ADAMTS19: variants seen among roughly 807,000 people sequenced by gnomAD.
The protein encoded by ADAMTS19 is ADAM metallopeptidase with thrombospondin type 1 motif 19.
In ADAMTS19, 93 loss-of-function variants were observed where a neutral mutation model predicts 153.3. The observed-to-expected ratio is 0.61, with a 90% CI of 0.51 to 0.72. The LOEUF is 0.72. ADAMTS19 is among the 30% of genes least tolerant of loss of function. ADAMTS19 has a pLI of 0.00. For missense variants in ADAMTS19, 1,482 were observed against 1,552.1 expected, an observed-to-expected ratio of 0.95 and a Z score of 0.76; for synonymous variants, 600 against 556.6, an observed-to-expected ratio of 1.08 and a Z score of -1.10.
chr5:129,514,076 A>G (rs1484266516), intron 3 of ADAMTS19, among the ~76,000 whole-genome samples: 1 of 151,592 alleles, frequency 6.6e-6, no homozygotes, highest in African/African-American at 2.4e-5. Flanking sequence ...TTCACTTAAC[A>G]TAATGATCTC....
intron 13 of ADAMTS19, among the ~76,000 whole-genome samples, chr5:129,650,258 A>G (rs1295061978): frequency 6.6e-6 from 1 of 152,176 alleles, no homozygotes; most frequent in Non-Finnish European, 1.5e-5. Context: ...GTGACAGATC[A>G]TCTGATTTCA....
At chr5:129,504,080 TG>T (rs1206817509) in intron 2 of ADAMTS19, among the ~76,000 whole-genome samples, 1 of 152,062 alleles carries the variant, frequency 6.6e-6, no homozygotes, top group Non-Finnish European at 1.5e-5. Context: ...TCAAGAACAT[TG>T]TCATATTTTT....
rs560819751 is a variant in ADAMTS19 at position 129,674,162 on chromosome 5, C to T, written c.2507-5602C>T. On this transcript the variant is annotated intron_variant, in intron 16 of 22. Coordinates refer to ENST00000274487, the MANE Select transcript of ADAMTS19 (RefSeq NM_133638.6). ...AGGAGAATCACTTGAACCCGGGAGG[C>T]GGAGGTTGCAATGAACTGAGATCAC... 2.7e-4 allele frequency among the ~76,000 whole-genome samples: 41 copies of T among 151,646 alleles called. No individual in the cohort carries two copies. In the South Asian group the frequency reaches 4.0e-3, roughly 15 times the overall value.
chr5:129,651,034 G>A (rs988939165), intron 13 of ADAMTS19, among the ~76,000 whole-genome samples: 4 of 152,222 alleles, frequency 2.6e-5, no homozygotes, highest in South Asian at 2.1e-4. Context: ...TGGAACACTC[G>A]TGTGCCCTGC....
At chr5:129,504,277 T>C (rs2126716194) in intron 2 of ADAMTS19, among the ~76,000 whole-genome samples, 1 of 152,294 alleles carries the variant, frequency 6.6e-6, no homozygotes, top group East Asian at 1.9e-4. Context: ...CTTTCTCAGA[T>C]CTTAAATTTA....
At chr5:129,736,285 T>G (rs762114702) in intron 22 of ADAMTS19, among the ~76,000 whole-genome samples, 1 of 152,034 alleles carries the variant, frequency 6.6e-6, no homozygotes, top group Non-Finnish European at 1.5e-5. Context: ...TATTATTCCT[T>G]GAAGGTATAC....
At chr5:129,483,624 T>C (rs892013414) in intron 2 of ADAMTS19, among the ~76,000 whole-genome samples, 1 of 152,138 alleles carries the variant, frequency 6.6e-6, no homozygotes. Context: ...GCCTGGCAAC[T>C]AGTGTCAGAT....
At chr5:129,483,396 A>G (rs1465047747) in intron 2 of ADAMTS19, among the ~76,000 whole-genome samples, 3 of 152,202 alleles carry the variant, frequency 2.0e-5, no homozygotes, top group East Asian at 3.8e-4. Flanking sequence ...GGGTTTCTCA[A>G]CCTAAGTACT....
At chr5:129,518,270 G>A (rs1002106808) in intron 3 of ADAMTS19, among the ~76,000 whole-genome samples, 1 of 152,032 alleles carries the variant, frequency 6.6e-6, no homozygotes, top group Non-Finnish European at 1.5e-5. Flanking sequence ...GTGTTTTTCT[G>A]TGTACTTACT....
chr5:129,516,677 C>T (rs1475416656), intron 3 of ADAMTS19, among the ~76,000 whole-genome samples: 6 of 151,272 alleles, frequency 4.0e-5, no homozygotes, highest in African/African-American at 1.5e-4. Flanking sequence ...TTTGTTTGGA[C>T]CTTCTCTCTT....
At chr5:129,620,302 G>A (rs1751722072) in intron 8 of ADAMTS19, among the ~76,000 whole-genome samples, 1 of 151,918 alleles carries the variant, frequency 6.6e-6, no homozygotes, top group African/African-American at 2.4e-5. Context: ...TATTATTTCT[G>A]AGTTTCATAC....
chr5:129,500,741 T>C (rs955241923), intron 2 of ADAMTS19, among the ~76,000 whole-genome samples: 1 of 152,136 alleles, frequency 6.6e-6, no homozygotes, highest in Non-Finnish European at 1.5e-5. Flanking sequence ...AAGTTGATGA[T>C]GGGCCTTGAC....
chr5:129,595,520 T>C (rs899177720), intron 7 of ADAMTS19, among the ~76,000 whole-genome samples: 8 of 152,144 alleles, frequency 5.3e-5, no homozygotes, highest in African/African-American at 1.9e-4. Flanking sequence ...AAGCAGTCAG[T>C]TGACCATCTT....
At chr5:129,704,191 ATCTCCAAT>A (rs1756037249) in intron 20 of ADAMTS19, 40 bp from the exon 21 acceptor site, 1 of 1,585,246 alleles carries the variant, frequency 6.3e-7, no homozygotes, top group East Asian at 2.2e-5. Context: ...TATCATCTAT[ATCTCCAAT>A]TCACCAACTT....
At chr5:129,484,134 C>T (rs1750512537) in intron 2 of ADAMTS19, among the ~76,000 whole-genome samples, 1 of 152,034 alleles carries the variant, frequency 6.6e-6, no homozygotes, top group African/African-American at 2.4e-5. Flanking sequence ...GCATTACATC[C>T]TCATCATCCT....
At chr5:129,643,071 A>T (rs1752872139) in intron 11 of ADAMTS19, among the ~76,000 whole-genome samples, 3 of 152,200 alleles carry the variant, frequency 2.0e-5, no homozygotes, top group Admixed American at 2.0e-4. Flanking sequence ...CATGGCTGTT[A>T]GTTGATAGGC....
intron 8 of ADAMTS19, among the ~76,000 whole-genome samples, chr5:129,612,906 G>C (rs1165702313): frequency 6.6e-6 from 1 of 152,054 alleles, no homozygotes; most frequent in Non-Finnish European, 1.5e-5. Flanking sequence ...TGATAAAACA[G>C]ACTTTAAACC....
chr5:129,483,208 G>C (rs1750474359), intron 2 of ADAMTS19, among the ~76,000 whole-genome samples: 1 of 152,078 alleles, frequency 6.6e-6, no homozygotes, highest in Non-Finnish European at 1.5e-5. Flanking sequence ...GGCTTCCTAT[G>C]TAACTTCCTT....
chr5:129,603,504 TC>T (rs1385621369), intron 8 of ADAMTS19, among the ~76,000 whole-genome samples: 2 of 152,200 alleles, frequency 1.3e-5, no homozygotes, highest in Admixed American at 1.3e-4. Context: ...TACAAATAAT[TC>T]CATTTGCGTT....
Sources: allele counts gnomAD v4.1 joint callset (sites outside exome capture counted in the v4.1 genomes callset), GRCh38; gene constraint gnomAD v4.1.1; transcripts MANE v1.5; gene names NCBI Gene and HGNC (gene_info 2026-07-23, HGNC 2026-07-21).